CALD1: variants seen among roughly 807,000 people sequenced by gnomAD.
CALD1 encodes caldesmon.
In CALD1, 33 loss-of-function variants were observed where a neutral mutation model predicts 99.9. The ratio of observed to expected loss-of-function variants is 0.33; its 90% confidence interval spans 0.25 to 0.44. The LOEUF (loss-of-function observed/expected upper bound fraction) is 0.44, where lower values mean the gene tolerates loss of function less well. Among genes scored for constraint, CALD1 ranks in the 20% least tolerant of loss-of-function variants. The pLI is 1.00. For synonymous variants in CALD1, 310 were observed against 325.0 expected, an observed-to-expected ratio of 0.95 and a Z score of 0.50; for missense variants, 861 against 962.1, an observed-to-expected ratio of 0.89 and a Z score of 1.39.
intron 1 of CALD1, chr7:134,809,634 T>C (rs772982520): frequency 6.6e-6 from 1 of 152,220 alleles, no homozygotes; most frequent in Non-Finnish European, 1.5e-5. Context: ...CAAGGTATAA[T>C]TGTGTATGTT....
At chr7:134,882,970 C>T (rs967883329) in intron 3 of CALD1, among the ~76,000 whole-genome samples, 1 of 152,084 alleles carries the variant, frequency 6.6e-6, no homozygotes, top group Non-Finnish European at 1.5e-5. Context: ...TTGAGTGGTA[C>T]TATTTGGAAG....
intron 2 of CALD1, chr7:134,844,410 C>G (rs1005834156): frequency 6.6e-6 from 1 of 152,166 alleles, no homozygotes; most frequent in Admixed American, 6.5e-5. Flanking sequence ...CAACAAATCT[C>G]TCTCACCTGG....
intron 3 of CALD1, among the ~76,000 whole-genome samples, chr7:134,879,606 C>T (rs986700127): frequency 6.6e-6 from 1 of 152,134 alleles, no homozygotes; most frequent in African/African-American, 2.4e-5. Flanking sequence ...AAAACATTCA[C>T]TGACATTGAA....
chr7:134,757,683 A>T (rs1796741295), intron 1 of CALD1, among the ~76,000 whole-genome samples: 1 of 152,094 alleles, frequency 6.6e-6, no homozygotes, highest in Admixed American at 6.5e-5. Flanking sequence ...ATTCAAGACC[A>T]GCCTGGCCAA....
chr7:134,816,979 G>T (rs1798587470), intron 1 of CALD1, among the ~76,000 whole-genome samples: 1 of 152,180 alleles, frequency 6.6e-6, no homozygotes, highest in South Asian at 2.1e-4. Flanking sequence ...CATTGAATTG[G>T]ATTACTTGTT....
rs1799372234 is a variant in CALD1, at chr7:134,834,938, T to C, written c.-129-8946T>C. Among the ~76,000 whole-genome samples the C allele has an allele frequency of 8.5e-5, 13 of 152,344 alleles. No individual in the cohort carries two copies. The South Asian group carries it at 2.1e-3, about 24-fold the overall frequency. ...CTGTGCATTGTTATTTTGCTGTGTT[T>C]GCCGATGTCCACAGCTTCCTAGACA... On this transcript the variant is annotated intron_variant, in intron 1 of 14. Transcript: ENST00000361675.
At chr7:134,733,285 C>G in the CALD1 span, among the ~76,000 whole-genome samples, 1 of 152,186 alleles carries the variant, frequency 6.6e-6, no homozygotes, top group Non-Finnish European at 1.5e-5. Context: ...ACCTCCAGAT[C>G]GGTTCCTTTC....
At chr7:134,774,900 T>A (rs933996801), upstream of CALD1, among the ~76,000 whole-genome samples, 1 of 152,256 alleles carries the variant, frequency 6.6e-6, no homozygotes, top group East Asian at 1.9e-4. Flanking sequence ...TTACTATCAG[T>A]CTGGAGAGGT....
chr7:134,873,559 C>T (rs891399484), intron 3 of CALD1, among the ~76,000 whole-genome samples: 5 of 152,184 alleles, frequency 3.3e-5, no homozygotes, highest in Admixed American at 6.5e-5. Flanking sequence ...GGACCGCCGC[C>T]GGCCCCAGAA....
At chr7:134,781,152 T>C (rs1797089289) in intron 1 of CALD1, among the ~76,000 whole-genome samples, 1 of 152,234 alleles carries the variant, frequency 6.6e-6, no homozygotes, top group Non-Finnish European at 1.5e-5. Context: ...GCAAAAGCTA[T>C]AGTTTAATTA....
chr7:134,852,500 C>T (rs2132227982), intron 2 of CALD1, among the ~76,000 whole-genome samples: 1 of 152,222 alleles, frequency 6.6e-6, no homozygotes, highest in East Asian at 1.9e-4. Context: ...CCATTCAAAA[C>T]CAAGGAATTT....
At chr7:134,887,872 CTGTATGTGTG>C (rs1293715122) in intron 3 of CALD1, among the ~76,000 whole-genome samples, 5 of 151,370 alleles carry the variant, frequency 3.3e-5, no homozygotes, top group South Asian at 2.1e-4. Context: ...GCATGTGTGT[CTGTATGTGTG>C]TGTATGTGTG....
At position 134,950,477 on chromosome 7, in the gene CALD1, C is replaced by A; in HGVS notation, c.1898C>A (p.Pro633Gln). 1.9e-6 allele frequency: 3 copies of A among 1,614,028 alleles called. No individual in the cohort carries two copies. The highest frequency in any genetic ancestry group is 2.5e-6 in the Non-Finnish European group (3 of 1,179,880). ...GATGGCTTGTCAGATGACAAGAAAC[C>A]ATTCAAGTGTTTCACTCCTAAAGGT... is the stretch of plus-strand genomic sequence containing the variant. ...PEDGLSDDKK[P>Q]FKCFTPKGSS... Residue 633 changes from proline (P) to glutamine (Q), a missense_variant, in exon 9 of 15, where the codon CCA becomes CAA. By Grantham distance (76) the Pro-to-Gln change is moderately conservative (BLOSUM62 -1). Around this residue, in one of 5 missense-constraint regions of CALD1, gnomAD observed 190 missense variants for 249.0 expected, o/e 0.76. Transcript: ENST00000361675.
chr7:134,766,141 CTTTTTTTTTTTT>C (rs71172475), intron 1 of CALD1, among the ~76,000 whole-genome samples: 31 of 70,810 alleles, frequency 4.4e-4, no homozygotes, highest in Admixed American at 1.0e-3. Context: ...CTTTTCTTTT[CTTTTTTTTTTTT>C]TTTTTTTTTT....
intron 3 of CALD1, among the ~76,000 whole-genome samples, chr7:134,878,588 C>T (rs1303575123): frequency 2.6e-5 from 4 of 151,966 alleles, no homozygotes; most frequent in African/African-American, 9.7e-5. Flanking sequence ...TAAAAATAAA[C>T]ACACAAGATA....
chr7:134,818,496 C>T (rs1869261), intron 1 of CALD1, among the ~76,000 whole-genome samples: 94,673 of 151,906 alleles, frequency 0.62, 29,902 homozygotes, highest in East Asian at 0.95. Flanking sequence ...AGTGTTTATT[C>T]GGCGGAGGTT....
Position 134,779,759 on chromosome 7 carries a change from A to C in CALD1, c.-130+10A>C, listed in dbSNP as rs766358148. 15 of 398,446 alleles carry C rather than the reference A, an allele frequency of 3.8e-5. No individual in the cohort carries two copies. Among genetic ancestry groups the C allele is most frequent in the Non-Finnish European group, 6.6e-5 (15 of 226,030 alleles). 24.7% of individuals were successfully genotyped at this position (398,446 alleles called of 1,614,324 possible). On this transcript the variant is annotated intron_variant, in intron 1 of 14. Transcript: ENST00000361675. ...AGTTTCAGACTACAAGGTAAGGCAC[A>C]GAAGGCTTTCTTTTTTATCTTCTAG...
chr7:134,837,209 T>C (rs979589375), intron 1 of CALD1, among the ~76,000 whole-genome samples: 1 of 152,162 alleles, frequency 6.6e-6, no homozygotes, highest in African/African-American at 2.4e-5. Flanking sequence ...ACTTTCTAGA[T>C]GCAGAATAAC....
At chr7:134,884,777 A>T (rs973646573) in intron 3 of CALD1, among the ~76,000 whole-genome samples, 15 of 152,142 alleles carry the variant, frequency 9.9e-5, no homozygotes, top group African/African-American at 2.4e-5. Context: ...TATATAACTA[A>T]CACCCTCCTA....
Sources: allele counts gnomAD v4.1 joint callset (sites outside exome capture counted in the v4.1 genomes callset), GRCh38; gene constraint gnomAD v4.1.1; regional missense constraint gnomAD v4.1.1; transcripts MANE v1.5; gene names NCBI Gene and HGNC (gene_info 2026-07-23, HGNC 2026-07-21).